The following KIAA0825 variants were observed in gnomAD, a reference collection of about 807,000 sequenced individuals.
KIAA0825 encodes KIAA0825.
Under a neutral mutation model 147.6 loss-of-function variants are expected in KIAA0825, and 119 were observed. The observed-to-expected ratio is 0.81, with a 90% CI of 0.69 to 0.94. The LOEUF is 0.94. KIAA0825 is among the 40% of genes least tolerant of loss of function. KIAA0825 has a pLI of 0.00. For synonymous variants in KIAA0825, 470 were observed against 518.1 expected (o/e 0.91, Z 1.26); for missense variants, 1,381 against 1,472.7 (o/e 0.94, Z 1.02).
At chr5:94,183,152 C>A (rs1769817589) in intron 20 of KIAA0825, among the ~76,000 whole-genome samples, 1 of 152,102 alleles carries the variant, frequency 6.6e-6, no homozygotes. Context: ...TTACACTATT[C>A]CTCATCATTC....
intron 2 of KIAA0825, among the ~76,000 whole-genome samples, chr5:94,580,572 G>A (rs1361414389): frequency 6.8e-6 from 1 of 147,420 alleles, no homozygotes; most frequent in Non-Finnish European, 1.5e-5. Flanking sequence ...GTGGTACTAG[G>A]TTTTTTAAAA....
chr5:94,554,354 A>G (rs1776123439), intron 2 of KIAA0825, among the ~76,000 whole-genome samples: 1 of 151,890 alleles, frequency 6.6e-6, no homozygotes, highest in Non-Finnish European at 1.5e-5. Context: ...TCTCTATATT[A>G]TTTGTATTAT....
In KIAA0825 at chr5:94,471,500, G is replaced by A. The variant is rs1448126421; in HGVS notation, c.1687C>T (p.Arg563Ter). 1.4e-5 allele frequency: 22 copies of A among 1,551,630 alleles called. No individual in the cohort carries two copies. The highest frequency in any genetic ancestry group is 4.8e-5 in the South Asian group (4 of 84,028). The change falls in exon 9 of 21, where the codon CGA (arginine) becomes TGA (stop). Residue 563 changes from arginine to a stop codon, truncating the protein, a stop_gained. Transcript: ENST00000682413. LOFTEE classifies it high-confidence loss of function. Reference sequence around the variant, plus strand: ...ATTTCCTTCATCAAATTATCATATCGCTTGAAATGCTGGAAGACATACACC... The same window carrying A: ...ATTTCCTTCATCAAATTATCATATCACTTGAAATGCTGGAAGACATACACC... ...TAVYVFQHFK[R>*]YDNLMKEMTK...
In KIAA0825 at chr5:94,166,896, T is replaced by A. The variant is rs980408554; in HGVS notation, c.3711-12772A>T. Among the ~76,000 whole-genome samples the A allele has an allele frequency of 2.0e-5, 3 of 152,162 alleles. No homozygotes were observed. In the South Asian group the frequency reaches 6.2e-4, roughly 32 times the overall value. On this transcript the variant is annotated intron_variant, in intron 20 of 20. Transcript: ENST00000682413. ...TAAGATTGGAAACTATAGAATATGA[T>A]GTTCTATAGTCCCAAAGCAAAAGCC...
intron 2 of KIAA0825, among the ~76,000 whole-genome samples, chr5:94,566,660 CAA>C (rs1778771545): frequency 6.6e-6 from 1 of 151,598 alleles, no homozygotes; most frequent in Non-Finnish European, 1.5e-5. Flanking sequence ...TATATTTTTC[CAA>C]GTTTCATTTT....
chr5:94,255,149 A>G (rs1222330738), intron 20 of KIAA0825, among the ~76,000 whole-genome samples: 1 of 151,138 alleles, frequency 6.6e-6, no homozygotes, highest in Non-Finnish European at 1.5e-5. Flanking sequence ...ATATTTAGTC[A>G]TGACAATGGC....
At chr5:94,560,727 T>C (rs1777396330) in intron 2 of KIAA0825, among the ~76,000 whole-genome samples, 3 of 152,306 alleles carry the variant, frequency 2.0e-5, no homozygotes, top group Admixed American at 1.3e-4. Context: ...AAAGATGACA[T>C]TTACCTCCGT....
intron 20 of KIAA0825, among the ~76,000 whole-genome samples, chr5:94,279,748 A>G (rs1427980851): frequency 2.6e-5 from 4 of 151,998 alleles, no homozygotes; most frequent in Non-Finnish European, 5.9e-5. Flanking sequence ...AGGATCAGTT[A>G]TCTGTCTTTG....
At chr5:94,612,819 ATAGT>A (rs1789247379) in intron 1 of KIAA0825, among the ~76,000 whole-genome samples, 1 of 152,224 alleles carries the variant, frequency 6.6e-6, no homozygotes, top group African/African-American at 2.4e-5. Flanking sequence ...GTTTGACTTC[ATAGT>A]TAGAGCCACA....
intron 15 of KIAA0825, among the ~76,000 whole-genome samples, chr5:94,404,094 T>A (rs1238904862): frequency 6.6e-6 from 1 of 152,188 alleles, no homozygotes; most frequent in Non-Finnish European, 1.5e-5. Context: ...TTGGCAATAA[T>A]GTCAAAGCTT....
intron 20 of KIAA0825, among the ~76,000 whole-genome samples, chr5:94,307,656 G>A (rs1168744484): frequency 6.6e-6 from 1 of 151,502 alleles, no homozygotes; most frequent in Non-Finnish European, 1.5e-5. Context: ...CACCCATCTA[G>A]ATGAAGTTTC....
chr5:94,612,208 C>A (rs762391295), intron 1 of KIAA0825, among the ~76,000 whole-genome samples: 6 of 152,092 alleles, frequency 3.9e-5, no homozygotes, highest in Non-Finnish European at 7.4e-5. Flanking sequence ...AGGGATTATA[C>A]TTTTCTTGAG....
chr5:94,572,100 TAA>T (rs1161335580), intron 2 of KIAA0825, among the ~76,000 whole-genome samples: 4 of 136,248 alleles, frequency 2.9e-5, no homozygotes, highest in Admixed American at 7.3e-5. Context: ...CTCTATCTCT[TAA>T]AAAAAAAAAA....
chr5:94,527,378 A>C (rs566765309), intron 3 of KIAA0825, among the ~76,000 whole-genome samples: 1 of 152,026 alleles, frequency 6.6e-6, no homozygotes, highest in African/African-American at 2.4e-5. Flanking sequence ...TAAGATTTCA[A>C]AAGTATTATC....
intron 20 of KIAA0825, among the ~76,000 whole-genome samples, chr5:94,356,569 C>T (rs1025791297): frequency 2.0e-5 from 3 of 151,258 alleles, no homozygotes; most frequent in Non-Finnish European, 4.4e-5. Flanking sequence ...CGAGATTGCG[C>T]CACCGGACTC....
At chr5:94,471,795 C>A in intron 8 of KIAA0825, 64 bp from the exon 9 acceptor site, 1 of 1,416,346 alleles carries the variant, frequency 7.1e-7, no homozygotes. Context: ...AATTTATGGA[C>A]AGTGGAGCCA....
intron 16 of KIAA0825, among the ~76,000 whole-genome samples, chr5:94,400,225 A>G (rs1037689247): frequency 3.9e-5 from 6 of 152,184 alleles, no homozygotes; most frequent in Non-Finnish European, 8.8e-5. Context: ...ACGAATGGAA[A>G]AATATTTTAT....
At chr5:94,343,007 A>G (rs1236108834) in intron 20 of KIAA0825, among the ~76,000 whole-genome samples, 1 of 152,172 alleles carries the variant, frequency 6.6e-6, no homozygotes, top group Non-Finnish European at 1.5e-5. Context: ...AGCATTGAGT[A>G]TATCAAATAC....
At chr5:94,212,735 GC>G (rs1772827573) in intron 20 of KIAA0825, among the ~76,000 whole-genome samples, 8 of 152,130 alleles carry the variant, frequency 5.3e-5, no homozygotes, top group Admixed American at 5.2e-4. Flanking sequence ...TAGCAAACCA[GC>G]CCAACCTTTG....
Sources: gnomAD v4.1 joint callset for allele counts (sites outside exome capture counted in the v4.1 genomes callset) on GRCh38, gnomAD v4.1.1 for gene constraint, MANE v1.5 for transcripts, NCBI Gene and HGNC (gene_info 2026-07-23, HGNC 2026-07-21) for gene names.